The following TRIP4 variants were observed in gnomAD, a reference collection of about 807,000 sequenced individuals.
TRIP4 encodes the protein activating signal cointegrator 1.
A neutral mutation model predicts 81.8 loss-of-function variants in TRIP4; 54 were observed. The observed-to-expected ratio is 0.66, with a 90% CI of 0.53 to 0.83. TRIP4 has a LOEUF of 0.83. TRIP4 is among the 40% of genes least tolerant of loss of function. TRIP4 has a pLI of 0.00. For synonymous variants in TRIP4, 270 were observed against 242.8 expected (o/e 1.11, Z -1.04); for missense variants, 662 against 683.6 (o/e 0.97, Z 0.35).
chr15:64,420,745 G>T (rs1891994226), intron 9 of TRIP4, among the ~76,000 whole-genome samples: 1 of 151,322 alleles, frequency 6.6e-6, no homozygotes, highest in Non-Finnish European at 1.5e-5. Context: ...TGTTAGTCAG[G>T]ATGGTCTCGA....
chr15:64,446,894 G>A (rs1187920482), intron 12 of TRIP4, among the ~76,000 whole-genome samples: 1 of 151,622 alleles, frequency 6.6e-6, no homozygotes, highest in African/African-American at 2.4e-5. Flanking sequence ...CACAAGGTCA[G>A]GAGATCGAGA....
intron 4 of TRIP4, among the ~76,000 whole-genome samples, chr15:64,399,337 C>G (rs968951002): frequency 3.3e-5 from 5 of 152,000 alleles, no homozygotes; most frequent in African/African-American, 1.2e-4. Context: ...TAAAAATGTC[C>G]ATTAAATGGC....
Position 64,418,709 on chromosome 15 carries a change from C to A in TRIP4, c.1339C>A (p.Leu447Ile). 6.2e-7 allele frequency: 1 copy of A among 1,612,572 alleles called. No homozygotes were observed. Among genetic ancestry groups the A allele is most frequent in the Non-Finnish European group, 8.5e-7 (1 of 1,179,338 alleles). ...TGTACATCAGCCCTGGGCTTCTCTG[C>A]TTGTCAGAGGGATTAAAAGGTAAGA... The part of the protein sequence containing the change: ...LSVHQPWASL[L>I]VRGIKRVEGR... The change falls in exon 9 of 13, where the codon CTT becomes ATT. Residue 447 changes from leucine to isoleucine, a missense_variant. By Grantham distance (5) the Leu-to-Ile change is conservative (BLOSUM62 2). Transcript: ENST00000261884.
intron 5 of TRIP4, among the ~76,000 whole-genome samples, chr15:64,405,009 G>A (rs1394960327): frequency 1.3e-5 from 2 of 151,986 alleles, no homozygotes; most frequent in Non-Finnish European, 2.9e-5. Flanking sequence ...TGGATCTTGG[G>A]TGTATCATAA....
chr15:64,408,219 T>C (rs1386516886), intron 6 of TRIP4, among the ~76,000 whole-genome samples: 2 of 148,740 alleles, frequency 1.3e-5, no homozygotes, highest in Admixed American at 1.4e-4. Flanking sequence ...ATTACAGGTG[T>C]GAGCCACCGT....
rs553667435 is a variant in TRIP4, at chr15:64,393,980, C to A, written c.136C>A (p.Arg46=). 5.6e-6 allele frequency: 9 copies of A among 1,605,422 alleles called. No individual in the cohort carries two copies. In the South Asian group the frequency reaches 1.0e-4, roughly 18 times the overall value. The change falls in exon 2 of 13, where the codon CGA becomes AGA. Residue 46 remains arginine (R), a synonymous_variant. Coordinates refer to ENST00000261884, the MANE Select transcript of TRIP4 (RefSeq NM_016213.5). ...VLSIESAEEI[R]EYVTDLLQGN... ...GTCAATTGAGAGTGCTGAAGAGATA[C>A]GAGAATATGTTACTGATCTCCTCCA...
At chr15:64,446,406 A>ATT (rs1429155524) in intron 12 of TRIP4, among the ~76,000 whole-genome samples, 35 of 134,450 alleles carry the variant, frequency 2.6e-4, no homozygotes, top group African/African-American at 6.9e-4. Flanking sequence ...CCTTTTTAAC[A>ATT]TTTTTTTTTT....
chr15:64,440,515 T>C (rs575644699), intron 11 of TRIP4, among the ~76,000 whole-genome samples: 1 of 151,636 alleles, frequency 6.6e-6, no homozygotes, highest in African/African-American at 2.4e-5. Context: ...TTTTAATGCA[T>C]TTGATAATGA....
intron 8 of TRIP4, among the ~76,000 whole-genome samples, chr15:64,417,491 T>C (rs2140296857): frequency 6.6e-6 from 1 of 152,304 alleles, no homozygotes; most frequent in Admixed American, 6.5e-5. Flanking sequence ...CCAAATATCA[T>C]CATGCTAATT....
chr15:64,441,134 C>T (rs1313869966), intron 11 of TRIP4, among the ~76,000 whole-genome samples: 1 of 151,968 alleles, frequency 6.6e-6, no homozygotes, highest in East Asian at 1.9e-4. Context: ...GTAGCTGGGA[C>T]TACTGGTGCC....
chr15:64,447,862 C>A (rs1892668362), intron 12 of TRIP4, among the ~76,000 whole-genome samples: 1 of 152,186 alleles, frequency 6.6e-6, no homozygotes, highest in Non-Finnish European at 1.5e-5. Flanking sequence ...CAGGTATGTG[C>A]CACCACGCCC....
chr15:64,394,648 T>C (rs1385250891), intron 2 of TRIP4, among the ~76,000 whole-genome samples: 2 of 151,636 alleles, frequency 1.3e-5, no homozygotes, highest in South Asian at 4.2e-4. Context: ...AAAATGTGTG[T>C]TTACAGACAC....
In TRIP4 at chr15:64,395,536, G is replaced by A; in HGVS notation, c.405+5G>A. ...ACACCTTTTGATTTGGCCAAGGTGA[G>A]TGCTTATAGATTGAAGCTTTTTCTG... On this transcript the variant is annotated splice_donor_5th_base_variant and intron_variant, in intron 3 of 12. Coordinates refer to ENST00000261884, the MANE Select transcript of TRIP4 (RefSeq NM_016213.5). 5 of 1,605,234 alleles carry A rather than the reference G, an allele frequency of 3.1e-6. No individual in the cohort carries two copies. The highest frequency in any genetic ancestry group is 4.3e-6 in the Non-Finnish European group (5 of 1,175,852).
In TRIP4 at chr15:64,447,991, A is replaced by G. The variant is rs147756608; in HGVS notation, c.1678+2883A>G. 5.6e-3 allele frequency among the ~76,000 whole-genome samples: 857 copies of G among 152,086 alleles called. 3 individuals carry two copies. The highest frequency in any genetic ancestry group is 0.02 in the African/African-American group (822 of 41,478). On this transcript the variant is annotated intron_variant, in intron 12 of 12. Coordinates refer to ENST00000261884, the MANE Select transcript of TRIP4 (RefSeq NM_016213.5). Reference sequence around the variant, plus strand: ...TAGGATTACAGGTGTGAGCCACCACACCTGGCCCTGTTTAGGATTTAGATC... The same window carrying G: ...TAGGATTACAGGTGTGAGCCACCACGCCTGGCCCTGTTTAGGATTTAGATC...
chr15:64,430,298 A>G (rs867180236), intron 11 of TRIP4, among the ~76,000 whole-genome samples: 6 of 152,246 alleles, frequency 3.9e-5, no homozygotes, highest in Admixed American at 6.5e-5. Flanking sequence ...AGAAAAGGCT[A>G]TGGGTTCAAC....
intron 11 of TRIP4, among the ~76,000 whole-genome samples, chr15:64,431,849 T>TATATATATATATATA (rs1566981702): frequency 3.7e-5 from 3 of 81,430 alleles, no homozygotes; most frequent in Admixed American, 1.3e-4. Flanking sequence ...ATATATATAT[T>TATATATATATATATA]TTTTTTATCC....
At chr15:64,441,682 A>C (rs542535860) in intron 11 of TRIP4, among the ~76,000 whole-genome samples, 2 of 152,246 alleles carry the variant, frequency 1.3e-5, no homozygotes, top group African/African-American at 4.8e-5. Context: ...CTGAGGCAGG[A>C]GAATGGTGTG....
chr15:64,414,062 A>G, intron 7 of TRIP4, 23 bp from the exon 8 acceptor site: 1 of 1,612,154 alleles, frequency 6.2e-7, no homozygotes, highest in Non-Finnish European at 8.5e-7. Flanking sequence ...CAATTGTTGC[A>G]TCCTTTTGGT....
chr15:64,407,426 G>C (rs1285521640), intron 6 of TRIP4, among the ~76,000 whole-genome samples: 2 of 152,118 alleles, frequency 1.3e-5, no homozygotes, highest in East Asian at 1.9e-4. Context: ...CCGGCACTTG[G>C]GGAGGCCGAG....
Sources: allele counts gnomAD v4.1 joint callset (sites outside exome capture counted in the v4.1 genomes callset), GRCh38; gene constraint gnomAD v4.1.1; transcripts MANE v1.5; gene names NCBI Gene and HGNC (gene_info 2026-07-23, HGNC 2026-07-21).